Variants in SEC24D observed in about 807,000 individuals in gnomAD.
SEC24D encodes protein transport protein Sec24D.
A neutral mutation model predicts 116.9 loss-of-function variants in SEC24D; 69 were observed. The ratio of observed to expected loss-of-function variants is 0.59; its 90% CI spans 0.49 to 0.72. The LOEUF is 0.72. Ranked by LOEUF, SEC24D falls within the 30% of genes least tolerant of loss-of-function variation. SEC24D has a pLI of 0.00. For synonymous variants in SEC24D, 405 were observed against 442.8 expected, an observed-to-expected ratio of 0.91 and a Z score of 1.07; for missense variants, 1,131 against 1,264.1, an observed-to-expected ratio of 0.89 and a Z score of 1.60.
At chr4:118,799,709 G>A (rs996201033) in intron 7 of SEC24D, among the ~76,000 whole-genome samples, 3 of 152,124 alleles carry the variant, frequency 2.0e-5, no homozygotes, top group Non-Finnish European at 4.4e-5. Flanking sequence ...TGTGTATCAC[G>A]CGGAGGCACG....
chr4:118,808,670 C>T (rs115090643), intron 6 of SEC24D, among the ~76,000 whole-genome samples: 6,640 of 152,228 alleles, frequency 0.044, 195 homozygotes, highest in Non-Finnish European at 0.063. Flanking sequence ...GACTTGGTAC[C>T]TGAAGGGTTT....
chr4:118,768,393 ACTT>A, intron 8 of SEC24D, 82 bp from the exon 9 acceptor site: 2 of 711,034 alleles, frequency 2.8e-6, no homozygotes, highest in South Asian at 2.8e-5. Context: ...TTTTAATGGC[ACTT>A]TTTTTTTTTT....
intron 8 of SEC24D, among the ~76,000 whole-genome samples, chr4:118,793,568 T>A (rs986600129): frequency 6.6e-6 from 1 of 151,632 alleles, no homozygotes; most frequent in Non-Finnish European, 1.5e-5. Flanking sequence ...AATTCCCTAA[T>A]GTTGGTGGCT....
intron 8 of SEC24D, among the ~76,000 whole-genome samples, chr4:118,776,900 T>C (rs1292843201): frequency 3.3e-5 from 5 of 152,236 alleles, no homozygotes; most frequent in Non-Finnish European, 1.5e-5. Flanking sequence ...GACAGAACAA[T>C]TGGCAGCTTT....
chr4:118,758,136 C>T (rs1208226424), intron 10 of SEC24D, among the ~76,000 whole-genome samples: 2 of 152,164 alleles, frequency 1.3e-5, no homozygotes, highest in Non-Finnish European at 2.9e-5. Flanking sequence ...TTTATTATTA[C>T]AGTTGCTGAA....
At chr4:118,753,236 C>A (rs927358949) in intron 11 of SEC24D, among the ~76,000 whole-genome samples, 4 of 152,066 alleles carry the variant, frequency 2.6e-5, no homozygotes, top group Non-Finnish European at 5.9e-5. Flanking sequence ...ATAAACAAGG[C>A]TCTCTCAAAA....
At chr4:118,782,726 C>G (rs1728472058) in intron 8 of SEC24D, among the ~76,000 whole-genome samples, 2 of 152,258 alleles carry the variant, frequency 1.3e-5, no homozygotes, top group Admixed American at 1.3e-4. Context: ...ACAGAGGCAG[C>G]AGGCCTTGCT....
intron 8 of SEC24D, among the ~76,000 whole-genome samples, chr4:118,782,787 C>G (rs1290387668): frequency 5.9e-5 from 9 of 152,090 alleles, no homozygotes; most frequent in Admixed American, 4.6e-4. Flanking sequence ...GGTTTGTTTA[C>G]CTACTCAAGC....
intron 13 of SEC24D, among the ~76,000 whole-genome samples, chr4:118,751,646 A>C (rs1726842045): frequency 6.6e-6 from 1 of 152,192 alleles, no homozygotes; most frequent in South Asian, 2.1e-4. Context: ...GTCATGTTTG[A>C]AAATCCCATG....
chr4:118,785,663 C>G lies in SEC24D; in HGVS notation c.1041+12020G>C, dbSNP rs1289984058. Among the ~76,000 whole-genome samples, 3 of 152,164 alleles carry G rather than the reference C, an allele frequency of 2.0e-5. No homozygotes were observed. The East Asian group carries it at 5.8e-4, about 29-fold the overall frequency. On this transcript the variant is annotated intron_variant, in intron 8 of 22. Coordinates refer to ENST00000280551, the MANE Select transcript of SEC24D (RefSeq NM_014822.4). ...TGCTTATAATTTGAATAATAAGAAA[C>G]AGAGAAAATAGTGATCTAATATCAA...
intron 8 of SEC24D, among the ~76,000 whole-genome samples, chr4:118,784,214 A>T (rs889457093): frequency 3.3e-5 from 5 of 152,262 alleles, no homozygotes; most frequent in African/African-American, 1.2e-4. Flanking sequence ...AAAAAATTTA[A>T]TTTAAAAAAC....
chr4:118,733,191 T>C, intron 19 of SEC24D: 1 of 242,712 alleles, frequency 4.1e-6, no homozygotes, highest in South Asian at 1.1e-4. Flanking sequence ...CAGCTCTGTC[T>C]TTTAGCAGGT....
In SEC24D at chr4:118,740,708, G is replaced by GTC; in HGVS notation, c.2192_2193insGA (p.Phe731LeufsTer15). The GTC allele has an allele frequency of 6.2e-7, 1 of 1,613,906 alleles. No individual in the cohort carries two copies. The highest frequency in any genetic ancestry group is 1.7e-5 in the Admixed American group (1 of 60,006). Reference sequence around the variant, plus strand: ...CTTCACTGAGTTTGTCATCGTGCTTGAACTCCACGGTCACTGCCTTGTCAC... The same window carrying GTC: ...CTTCACTGAGTTTGTCATCGTGCTTGTCAACTCCACGGTCACTGCCTTGTCAC... On this transcript the variant is annotated frameshift_variant, in exon 17 of 23. Coordinates refer to ENST00000280551, the MANE Select transcript of SEC24D (RefSeq NM_014822.4). LOFTEE classifies it high-confidence loss of function.
chr4:118,729,438 G>A (rs533584791), intron 21 of SEC24D: 2 of 152,330 alleles, frequency 1.3e-5, no homozygotes, highest in East Asian at 3.9e-4. Context: ...TCCTGTGAAA[G>A]TTTGATCCCT....
chr4:118,810,074 C>G (rs941697248), intron 6 of SEC24D, among the ~76,000 whole-genome samples: 21 of 38,614 alleles, frequency 5.4e-4, no homozygotes, highest in South Asian at 2.8e-3. Flanking sequence ...TCAGAGGTAG[C>G]TGTGTGTGTG....
chr4:118,731,600 C>T, intron 20 of SEC24D, 93 bp from the exon 21 acceptor site: 2 of 994,552 alleles, frequency 2.0e-6, no homozygotes, highest in South Asian at 1.4e-5. Context: ...CCCTCCCCTC[C>T]CTCAATGCAT....
chr4:118,828,421 T>G (rs1730682210), intron 2 of SEC24D, among the ~76,000 whole-genome samples: 1 of 152,176 alleles, frequency 6.6e-6, no homozygotes, highest in African/African-American at 2.4e-5. Flanking sequence ...ACATTAATAC[T>G]TCTTAACTCT....
chr4:118,833,881 C>T (rs1730981857), intron 1 of SEC24D, 144 bp from the exon 2 acceptor site: 1 of 525,704 alleles, frequency 1.9e-6, no homozygotes, highest in East Asian at 3.3e-5. Context: ...TTGTATTATA[C>T]AATATATCAT....
chr4:118,815,838 C>T lies in SEC24D; in HGVS notation c.398-112G>A, dbSNP rs139589277. 1,299 of 1,153,364 alleles carry T rather than the reference C, an allele frequency of 1.1e-3. 11 individuals are homozygous for T. The African/African-American group carries it at 0.016, about 15-fold the overall frequency. The allele number at this position is 1,153,364 out of a possible 1,614,324, so 71.4% of individuals were successfully genotyped here. A position where few individuals can be genotyped will look rare whatever the true frequency, so the allele number is the denominator to read the frequency against. ...TTCCTGACATAAAGCAAGAGGACAC[C>T]CTTAGAAACACATGTTTGGGTTTTT... On this transcript the variant is annotated intron_variant, in intron 4 of 22. Transcript: ENST00000280551.
Sources: gnomAD v4.1 joint callset for allele counts (sites outside exome capture counted in the v4.1 genomes callset) on GRCh38, gnomAD v4.1.1 for gene constraint, MANE v1.5 for transcripts, NCBI Gene and HGNC (gene_info 2026-07-23, HGNC 2026-07-21) for gene names.